NAV3: variants seen among roughly 807,000 people sequenced by gnomAD.
NAV3 encodes the protein neuron navigator 3.
A neutral mutation model predicts 244.7 loss-of-function variants in NAV3; 87 were observed. The observed-to-expected ratio is 0.36, with a 90% CI of 0.30 to 0.42. The LOEUF (loss-of-function observed/expected upper bound fraction) is 0.42. Ranked by LOEUF, NAV3 falls within the 20% of genes least tolerant of loss-of-function variation. The pLI, the probability that NAV3 is intolerant of heterozygous loss-of-function variation, is 1.00. For synonymous variants in NAV3, 1,126 were observed against 1,042.2 expected (o/e 1.08, Z -1.55); for missense variants, 2,663 against 2,893.3 (o/e 0.92, Z 1.83).
At chr12:77,586,739 T>A (rs1277482989) in intron 2 of NAV3, among the ~76,000 whole-genome samples, 1 of 152,214 alleles carries the variant, frequency 6.6e-6, no homozygotes, top group East Asian at 1.9e-4. Context: ...AAAATTAAAT[T>A]AAAAATTCAG....
intron 12 of NAV3, among the ~76,000 whole-genome samples, chr12:78,099,646 A>G (rs1208272603): frequency 1.3e-5 from 2 of 151,954 alleles, no homozygotes; most frequent in African/African-American, 2.4e-5. Flanking sequence ...CTTTAAATCA[A>G]CTTGTACCTA....
At chr12:77,591,751 G>A (rs184422191) in intron 2 of NAV3, among the ~76,000 whole-genome samples, 14 of 152,276 alleles carry the variant, frequency 9.2e-5, no homozygotes, top group African/African-American at 3.4e-4. Context: ...TTTATATTAA[G>A]ATTGAATTTA....
chr12:77,734,115 A>G (rs1049234789), intron 2 of NAV3, among the ~76,000 whole-genome samples: 4 of 152,064 alleles, frequency 2.6e-5, no homozygotes, highest in African/African-American at 9.7e-5. Flanking sequence ...TAGCATCCAG[A>G]GTACAGACTG....
intron 5 of NAV3, among the ~76,000 whole-genome samples, chr12:77,991,777 A>G (rs1382647524): frequency 6.6e-6 from 1 of 152,230 alleles, no homozygotes; most frequent in Non-Finnish European, 1.5e-5. Context: ...TCACACTTGT[A>G]ATCCCAGCAC....
chr12:77,977,242 T>A (rs1868612844), intron 5 of NAV3, among the ~76,000 whole-genome samples: 1 of 152,084 alleles, frequency 6.6e-6, no homozygotes, highest in Admixed American at 6.6e-5. Context: ...ATAACTTGAT[T>A]GGAATCTGTA....
chr12:78,053,342 A>G (rs1183854964), intron 11 of NAV3, among the ~76,000 whole-genome samples: 1 of 152,060 alleles, frequency 6.6e-6, no homozygotes, highest in Non-Finnish European at 1.5e-5. Flanking sequence ...GTCACCACAA[A>G]CACTGCATTA....
At chr12:77,961,765 C>T (rs886181897) in intron 3 of NAV3, among the ~76,000 whole-genome samples, 2 of 137,128 alleles carry the variant, frequency 1.5e-5, no homozygotes, top group Non-Finnish European at 3.1e-5. Flanking sequence ...AGAGTGTAGA[C>T]AAAATAAAAA....
chr12:77,693,096 C>T (rs749548735), intron 2 of NAV3, among the ~76,000 whole-genome samples: 34 of 151,986 alleles, frequency 2.2e-4, no homozygotes, highest in Non-Finnish European at 4.0e-4. Context: ...CACAGAGAAA[C>T]GAGAGAAAAG....
At chr12:77,677,322 A>G (rs990813819) in intron 2 of NAV3, among the ~76,000 whole-genome samples, 1 of 152,266 alleles carries the variant, frequency 6.6e-6, no homozygotes, top group Non-Finnish European at 1.5e-5. Flanking sequence ...TTTTAAAAAG[A>G]TAACTTAAAT....
chr12:78,184,905 A>G (rs1408230876), intron 30 of NAV3, among the ~76,000 whole-genome samples: 1 of 151,758 alleles, frequency 6.6e-6, no homozygotes, highest in Non-Finnish European at 1.5e-5. Flanking sequence ...AATCTGGTAT[A>G]ATATATTTTG....
intron 2 of NAV3, among the ~76,000 whole-genome samples, chr12:77,585,375 A>G (rs765244481): frequency 6.6e-6 from 1 of 152,106 alleles, no homozygotes; most frequent in African/African-American, 2.4e-5. Context: ...GTTTGATTCT[A>G]TCTCTTTTAC....
chr12:77,853,720 C>T (rs763950983), intron 1 of NAV3, among the ~76,000 whole-genome samples: 1 of 152,020 alleles, frequency 6.6e-6, no homozygotes, highest in Non-Finnish European at 1.5e-5. Context: ...TTTCTGAATC[C>T]AGTAAAACTC....
intron 34 of NAV3, among the ~76,000 whole-genome samples, chr12:78,195,213 A>G (rs1190128636): frequency 6.6e-6 from 1 of 152,006 alleles, no homozygotes; most frequent in East Asian, 1.9e-4. Flanking sequence ...GCATGGATTC[A>G]AAGTCTTTTT....
At chr12:77,872,429 G>A (rs1229489576) in intron 1 of NAV3, among the ~76,000 whole-genome samples, 1 of 152,168 alleles carries the variant, frequency 6.6e-6, no homozygotes, top group African/African-American at 2.4e-5. Context: ...GAAGGGACTG[G>A]TATAGGTAGT....
At chr12:77,710,169 T>A (rs1472639211) in intron 2 of NAV3, among the ~76,000 whole-genome samples, 1 of 152,204 alleles carries the variant, frequency 6.6e-6, no homozygotes, top group Non-Finnish European at 1.5e-5. Flanking sequence ...CCAGCTGTAT[T>A]CCAAACATAA....
At chr12:77,690,601 G>A (rs1346875172) in intron 2 of NAV3, among the ~76,000 whole-genome samples, 1 of 150,282 alleles carries the variant, frequency 6.7e-6, no homozygotes, top group Admixed American at 6.7e-5. Flanking sequence ...AGGTTTTTGC[G>A]GCCAGAAATC....
Position 77,767,709 on chromosome 12 carries a change from C to T in NAV3, c.73-172610C>T, listed in dbSNP as rs115482023. On this transcript the variant is annotated intron_variant, in intron 2 of 8. Coordinates refer to the NAV3 transcript ENST00000550042. ...CCTCTAGAGGAGGGGAACACAGTGGCGCCCAGGAGCTTGGAGACACCAGAA... is the reference window on the plus strand; with the variant it reads ...CCTCTAGAGGAGGGGAACACAGTGGTGCCCAGGAGCTTGGAGACACCAGAA... 8.0e-3 allele frequency among the ~76,000 whole-genome samples: 1,224 copies of T among 152,302 alleles called. 11 individuals are homozygous for T. The highest frequency in any genetic ancestry group is 0.027 in the African/African-American group (1,120 of 41,560).
chr12:77,670,453 C>T (rs921382749), intron 2 of NAV3, among the ~76,000 whole-genome samples: 6 of 152,016 alleles, frequency 3.9e-5, no homozygotes, highest in Non-Finnish European at 7.4e-5. Flanking sequence ...GCCAGTATCA[C>T]TCTAGTACCA....
chr12:77,930,080 T>C (rs1888635887), intron 1 of NAV3, among the ~76,000 whole-genome samples: 1 of 152,152 alleles, frequency 6.6e-6, no homozygotes, highest in Non-Finnish European at 1.5e-5. Flanking sequence ...AAAGAATGAA[T>C]TTCTACCCAT....
Sources: gnomAD v4.1 joint callset for allele counts (sites outside exome capture counted in the v4.1 genomes callset) on GRCh38, gnomAD v4.1.1 for gene constraint, MANE v1.5 for transcripts, NCBI Gene and HGNC (gene_info 2026-07-23, HGNC 2026-07-21) for gene names.